The following SP100 variants were observed in gnomAD, a reference collection of about 807,000 sequenced individuals.
The protein encoded by SP100 is nuclear autoantigen Sp-100.
A neutral mutation model predicts 130.0 loss-of-function variants in SP100; 84 were observed. The ratio of observed to expected loss-of-function variants is 0.65; its 90% CI spans 0.54 to 0.77. SP100 has a LOEUF of 0.77. Among genes scored for constraint, SP100 ranks in the 30% least tolerant of loss-of-function variants. SP100 has a pLI of 0.00. For synonymous variants in SP100, 331 were observed against 351.7 expected (o/e 0.94, Z 0.66); for missense variants, 978 against 1,052.2 (o/e 0.93, Z 0.97).
At chr2:230,480,394 A>G (rs1431950866) in intron 17 of SP100, among the ~76,000 whole-genome samples, 1 of 152,250 alleles carries the variant, frequency 6.6e-6, no homozygotes, top group African/African-American at 2.4e-5. Context: ...AAGAAATGTC[A>G]AGACCTATAA....
chr2:230,448,142 A>C (rs980417007), intron 5 of SP100, among the ~76,000 whole-genome samples: 7 of 152,204 alleles, frequency 4.6e-5, no homozygotes, highest in African/African-American at 1.7e-4. Context: ...AAGAGGGGAC[A>C]AATTTAAATG....
chr2:230,533,385 A>T (rs934881313), intron 24 of SP100, among the ~76,000 whole-genome samples: 1 of 152,224 alleles, frequency 6.6e-6, no homozygotes, highest in Non-Finnish European at 1.5e-5. Flanking sequence ...CAATGGTTTG[A>T]AGTGCTATAG....
At position 230,520,543 on chromosome 2, in the gene SP100, G is replaced by A. The variant is rs528483024; in HGVS notation, c.2094+9377G>A. The A allele has an allele frequency of 3.9e-5, 6 of 152,280 alleles. No individual in the cohort carries two copies. The South Asian group carries it at 1.2e-3, about 32-fold the overall frequency. The allele number at this position is 152,280 out of a possible 1,614,324, so 9.4% of individuals were successfully genotyped here. Reference sequence around the variant, plus strand: ...GGAACTCCTCTGCAACCCCCAGCCAGGGCATCCAAGTTCAGGAACACAATG... The same window carrying A: ...GGAACTCCTCTGCAACCCCCAGCCAAGGCATCCAAGTTCAGGAACACAATG... On this transcript the variant is annotated intron_variant, in intron 24 of 28. Coordinates refer to ENST00000340126, the MANE Select transcript of SP100 (RefSeq NM_001080391.2).
chr2:230,494,473 G>C lies in SP100; in HGVS notation c.1645+13G>C. 1 of 1,598,718 alleles carries C rather than the reference G, an allele frequency of 6.3e-7. No homozygotes were observed. On this transcript the variant is annotated intron_variant, in intron 18 of 28. Transcript: ENST00000340126. ...GGTCTCCAAAGAGGTAAGAAGAAAT[G>C]TGGGGATTTACTCCTTTGAACTCGC...
At chr2:230,542,119 A>G in intron 28 of SP100, 84 bp downstream of exon 28, 1 of 1,428,222 alleles carries the variant, frequency 7.0e-7, no homozygotes, top group East Asian at 2.3e-5. Flanking sequence ...ATGTCAGGTA[A>G]ATGTTACAAT....
At chr2:230,433,925 TG>T (rs1457647171) in intron 2 of SP100, among the ~76,000 whole-genome samples, 1 of 148,720 alleles carries the variant, frequency 6.7e-6, no homozygotes, top group African/African-American at 2.5e-5. Context: ...AAATAAGTTA[TG>T]GGGTTATTAA....
At chr2:230,474,260 T>C in intron 16 of SP100, 134 bp from the exon 17 acceptor site, 1 of 596,412 alleles carries the variant, frequency 1.7e-6, no homozygotes. Flanking sequence ...CTGTTTCCTT[T>C]GGAAGGAAGA....
chr2:230,541,124 A>G (rs1692155861), intron 26 of SP100, 128 bp downstream of exon 26: 2 of 1,286,284 alleles, frequency 1.6e-6, no homozygotes, highest in Middle Eastern at 1.9e-4. Context: ...GCTTTGCTCC[A>G]TGACCTAACG....
chr2:230,482,280 T>C (rs1017718337), intron 17 of SP100, among the ~76,000 whole-genome samples: 1 of 152,214 alleles, frequency 6.6e-6, no homozygotes, highest in Non-Finnish European at 1.5e-5. Flanking sequence ...TCAGATCCAG[T>C]GAATAAATAC....
At chr2:230,531,436 G>A (rs554561723) in intron 24 of SP100, among the ~76,000 whole-genome samples, 142 of 151,824 alleles carry the variant, frequency 9.4e-4, no homozygotes, top group Non-Finnish European at 1.8e-3. Flanking sequence ...AGGGGCTGGG[G>A]GAGGGATAGC....
At chr2:230,497,906 G>A (rs1182664299) in intron 18 of SP100, among the ~76,000 whole-genome samples, 2 of 152,128 alleles carry the variant, frequency 1.3e-5, no homozygotes, top group Admixed American at 1.3e-4. Context: ...AGCCTTCATT[G>A]AGGGCTAAGA....
intron 2 of SP100, among the ~76,000 whole-genome samples, chr2:230,438,639 G>GTGTA (rs1553634650): frequency 2.4e-3 from 326 of 135,136 alleles, no homozygotes; most frequent in African/African-American, 4.2e-3. Context: ...ACTCCATGGT[G>GTGTA]TATATATATA....
At chr2:230,423,773 T>C (rs1559479901) in intron 2 of SP100, among the ~76,000 whole-genome samples, 1 of 152,184 alleles carries the variant, frequency 6.6e-6, no homozygotes. Context: ...ACCTAAGAAG[T>C]GTTTGGGAGT....
intron 17 of SP100, among the ~76,000 whole-genome samples, chr2:230,483,092 C>T (rs946545428): frequency 6.6e-6 from 1 of 152,012 alleles, no homozygotes; most frequent in African/African-American, 2.4e-5. Context: ...CAATGTTGCT[C>T]AATAGGGATA....
chr2:230,531,393 G>A, intron 24 of SP100, among the ~76,000 whole-genome samples: 1 of 143,014 alleles, frequency 7.0e-6, no homozygotes, highest in South Asian at 2.3e-4. Context: ...ACAGGGCGGG[G>A]AACATCACAC....
chr2:230,475,870 TTC>T (rs2065517628), intron 17 of SP100, among the ~76,000 whole-genome samples: 1 of 152,170 alleles, frequency 6.6e-6, no homozygotes, highest in Admixed American at 6.5e-5. Context: ...TGTTTCTGAG[TTC>T]TCTGTTCTGT....
At chr2:230,440,613 C>A in intron 2 of SP100, 1 of 1,334,246 alleles carries the variant, frequency 7.5e-7, no homozygotes, top group Non-Finnish European at 9.7e-7. Context: ...ATGTTGTTGT[C>A]ATCTCCCCCA....
intron 4 of SP100, among the ~76,000 whole-genome samples, chr2:230,445,195 C>A (rs2063653821): frequency 6.6e-6 from 1 of 152,172 alleles, no homozygotes; most frequent in Non-Finnish European, 1.5e-5. Flanking sequence ...TAAAATGGTA[C>A]ACGTTAAAGA....
At chr2:230,490,885 G>A (rs1395290260) in intron 17 of SP100, among the ~76,000 whole-genome samples, 1 of 152,222 alleles carries the variant, frequency 6.6e-6, no homozygotes, top group South Asian at 2.1e-4. Context: ...CCCTTTGTAG[G>A]TGACCTGGCC....
Sources: gnomAD v4.1 joint callset for allele counts (sites outside exome capture counted in the v4.1 genomes callset) on GRCh38, gnomAD v4.1.1 for gene constraint, MANE v1.5 for transcripts, NCBI Gene and HGNC (gene_info 2026-07-23, HGNC 2026-07-21) for gene names.